Variants in RHBDL2 observed in about 807,000 individuals in gnomAD.
RHBDL2 encodes rhomboid like 2.
A neutral mutation model predicts 31.7 loss-of-function variants in RHBDL2; 26 were observed. The observed-to-expected ratio is 0.82, with a 90% CI of 0.60 to 1.14. RHBDL2 has a LOEUF of 1.14. Ranked by LOEUF, RHBDL2 falls within the 50% of genes most tolerant of loss-of-function variation. The pLI, the probability that RHBDL2 is intolerant of heterozygous loss-of-function variation, is 0.00. For synonymous variants in RHBDL2, 123 were observed against 127.2 expected, an observed-to-expected ratio of 0.97 and a Z score of 0.22; for missense variants, 336 against 364.4, an observed-to-expected ratio of 0.92 and a Z score of 0.63.
At chr1:38,898,170 G>A (rs1478546050) in intron 4 of RHBDL2, among the ~76,000 whole-genome samples, 1 of 152,112 alleles carries the variant, frequency 6.6e-6, no homozygotes, top group Non-Finnish European at 1.5e-5. Flanking sequence ...TGGCTGTGGT[G>A]GCACATGCCT....
intron 4 of RHBDL2, among the ~76,000 whole-genome samples, chr1:38,909,126 T>C (rs1422788550): frequency 6.6e-6 from 1 of 152,036 alleles, no homozygotes; most frequent in South Asian, 2.1e-4. Context: ...CTGCTGCTTG[T>C]GTGTCTGCAG....
intron 1 of RHBDL2, among the ~76,000 whole-genome samples, chr1:38,930,513 T>C (rs1643428059): frequency 6.6e-6 from 1 of 152,216 alleles, no homozygotes; most frequent in Admixed American, 6.5e-5. Flanking sequence ...TAATACACAA[T>C]GGTGCAGAAG....
In RHBDL2 at chr1:38,923,176, G is replaced by A. The variant is rs115180820; in HGVS notation, c.-125-3839C>T. Among the ~76,000 whole-genome samples, 485 of 152,180 alleles carry A rather than the reference G, an allele frequency of 3.2e-3. 3 individuals are homozygous for A. The highest frequency in any genetic ancestry group is 0.011 in the African/African-American group (465 of 41,552). ...TGCAATGTATGAGGTATAAATTAAT[G>A]CAGCCTTTTGGAAAGCAATTGGCCA... is the stretch of plus-strand genomic sequence containing the variant. On this transcript the variant is annotated intron_variant, in intron 1 of 7. Coordinates refer to ENST00000372990, the MANE Select transcript of RHBDL2 (RefSeq NM_017821.5).
At chr1:38,904,295 C>T (rs1247892734) in intron 4 of RHBDL2, among the ~76,000 whole-genome samples, 1 of 151,666 alleles carries the variant, frequency 6.6e-6, no homozygotes, top group Non-Finnish European at 1.5e-5. Flanking sequence ...GTAGTGAAAC[C>T]CCGTCTCTAC....
At chr1:38,913,122 A>G (rs1016358722) in intron 3 of RHBDL2, among the ~76,000 whole-genome samples, 5 of 151,540 alleles carry the variant, frequency 3.3e-5, no homozygotes, top group African/African-American at 1.2e-4. Flanking sequence ...AGCTGCGGTT[A>G]CAGGCACCTG....
intron 4 of RHBDL2, among the ~76,000 whole-genome samples, chr1:38,908,527 A>C (rs1432700716): frequency 1.3e-5 from 2 of 151,522 alleles, no homozygotes; most frequent in Middle Eastern, 3.2e-3. Context: ...AAAAAAAAAA[A>C]AAAAAAAAAA....
At chr1:38,918,776 C>G (rs994634305) in intron 2 of RHBDL2, among the ~76,000 whole-genome samples, 191 bp downstream of exon 2, 1 of 152,088 alleles carries the variant, frequency 6.6e-6, no homozygotes, top group Non-Finnish European at 1.5e-5. Context: ...TGGCAGTGAC[C>G]GTGAGTATAG....
chr1:38,938,078 C>T (rs186482100), intron 1 of RHBDL2, among the ~76,000 whole-genome samples: 1,540 of 151,860 alleles, frequency 0.01, 22 homozygotes, highest in African/African-American at 0.035. Context: ...AGTGCAGCGG[C>T]ACAATCTTGA....
chr1:38,906,078 A>C (rs910813190), intron 4 of RHBDL2, among the ~76,000 whole-genome samples: 5 of 152,100 alleles, frequency 3.3e-5, no homozygotes, highest in Non-Finnish European at 7.4e-5. Flanking sequence ...AAAAAAAAAA[A>C]AAAAACTTAC....
chr1:38,915,668 G>C lies in RHBDL2; in HGVS notation c.289C>G (p.Gln97Glu). Residue 97 changes from glutamine (Q) to glutamate (E), a missense_variant, in exon 3 of 8, where the codon CAG becomes GAG. Transcript: ENST00000372990. ...ATGCCTGTGTCCAACGTGATCCACT[G>C]TTTCTGAGGCTTCCACACAGCATAG... ...IYYAVWKPQKQWITLDTGILE... is the reference protein window; with the variant it reads ...IYYAVWKPQKEWITLDTGILE... The C allele has an allele frequency of 1.2e-6, 2 of 1,614,138 alleles. No individual in the cohort carries two copies. Among genetic ancestry groups the C allele is most frequent in the Non-Finnish European group, 1.7e-6 (2 of 1,180,012 alleles).
chr1:38,930,682 C>T (rs956998538), intron 1 of RHBDL2, among the ~76,000 whole-genome samples: 16 of 152,182 alleles, frequency 1.1e-4, no homozygotes, highest in African/African-American at 2.2e-4. Context: ...AGACCTAGCA[C>T]ACCAGAGCAC....
At chr1:38,935,063 T>G (rs985806632) in intron 1 of RHBDL2, among the ~76,000 whole-genome samples, 27 of 152,282 alleles carry the variant, frequency 1.8e-4, no homozygotes, top group African/African-American at 6.3e-4. Context: ...CAAGATCAAA[T>G]TTTTTGTCAT....
chr1:38,905,729 G>T lies in RHBDL2; in HGVS notation c.508+5593C>A, dbSNP rs987942611. On this transcript the variant is annotated intron_variant, in intron 4 of 7. Transcript: ENST00000372990. The stretch of plus-strand genomic sequence containing the variant: ...ATCATGCTACTTCACTCCAGCCTGG[G>T]TGACAGAGACTCTGTCTCAAGAAAA... 2.7e-5 allele frequency among the ~76,000 whole-genome samples: 4 copies of T among 145,628 alleles called. No homozygotes were observed. In the Admixed American group the frequency reaches 2.9e-4, roughly 10 times the overall value.
chr1:38,909,295 C>T (rs1226707029), intron 4 of RHBDL2, among the ~76,000 whole-genome samples: 2 of 152,110 alleles, frequency 1.3e-5, no homozygotes, highest in East Asian at 3.8e-4. Context: ...GCACTATGCC[C>T]TCCTCTACCC....
chr1:38,901,177 A>G (rs1642983811), intron 4 of RHBDL2, among the ~76,000 whole-genome samples: 1 of 151,264 alleles, frequency 6.6e-6, no homozygotes, highest in African/African-American at 2.4e-5. Flanking sequence ...ATTATCAGGC[A>G]TATGGTCGGC....
chr1:38,899,058 T>C (rs1376434705), intron 4 of RHBDL2, among the ~76,000 whole-genome samples: 1 of 152,194 alleles, frequency 6.6e-6, no homozygotes, highest in Admixed American at 6.5e-5. Flanking sequence ...TATAGAGTAG[T>C]CTTCTGTGAC....
At chr1:38,911,639 T>TGC (rs1470381695) in intron 3 of RHBDL2, among the ~76,000 whole-genome samples, 25 of 41,758 alleles carry the variant, frequency 6.0e-4, no homozygotes, top group African/African-American at 1.4e-3. Flanking sequence ...TGTGTGTGTG[T>TGC]GTGTGTGCGC....
Position 38,886,313 on chromosome 1 carries a change from G to A in RHBDL2, c.*191C>T. The A allele has an allele frequency of 2.6e-6, 1 of 378,244 alleles. No individual in the cohort carries two copies. Among genetic ancestry groups the A allele is most frequent in the Non-Finnish European group, 4.7e-6 (1 of 214,610 alleles). The allele number at this position is 378,244 out of a possible 1,614,324, so 23.4% of individuals were successfully genotyped here. A position where few individuals can be genotyped will look rare whatever the true frequency, so the allele number is the denominator to read the frequency against. Reference sequence around the variant, plus strand: ...TCTTCTTCTTCCCTTTCTACATTAAGAAGCCCCTTCCTTAAATCCTAAGGT... The same window carrying A: ...TCTTCTTCTTCCCTTTCTACATTAAAAAGCCCCTTCCTTAAATCCTAAGGT... On this transcript the variant is annotated 3_prime_UTR_variant, in exon 8 of 8. Transcript: ENST00000372990.
At chr1:38,894,980 C>T (rs1642899403) in intron 5 of RHBDL2, among the ~76,000 whole-genome samples, 1 of 152,196 alleles carries the variant, frequency 6.6e-6, no homozygotes, top group Non-Finnish European at 1.5e-5. Context: ...GTTGGGATTA[C>T]AGGCGTGAGC....
Sources: allele counts gnomAD v4.1 joint callset (sites outside exome capture counted in the v4.1 genomes callset), GRCh38; gene constraint gnomAD v4.1.1; transcripts MANE v1.5; gene names NCBI Gene and HGNC (gene_info 2026-07-23, HGNC 2026-07-21).